Variants in CSMD2 observed in about 807,000 individuals in gnomAD.
CSMD2 encodes CUB and Sushi multiple domains 2.
Under a neutral mutation model 398.5 loss-of-function variants are expected in CSMD2, and 130 were observed. The ratio of observed to expected loss-of-function variants is 0.33; its 90% CI spans 0.28 to 0.38. The LOEUF (loss-of-function observed/expected upper bound fraction) is 0.38. Ranked by LOEUF, CSMD2 falls within the 10% of genes least tolerant of loss-of-function variation. CSMD2 has a pLI of 1.00. For missense variants in CSMD2, 3,829 were observed against 4,764.9 expected, an observed-to-expected ratio of 0.80 and a Z score of 5.78; for synonymous variants, 1,828 against 1,908.5, an observed-to-expected ratio of 0.96 and a Z score of 1.10.
Position 33,978,394 on chromosome 1 carries a change from C to T in CSMD2, c.518-42440G>A, listed in dbSNP as rs1304668211. On this transcript the variant is annotated intron_variant, in intron 3 of 70. Transcript: ENST00000373381. ...CAGGCTCTGTGAATCTCTGGGGATT[C>T]GGTGCTGAGCATGACACATCACAGA... Among the ~76,000 whole-genome samples, 5 of 152,140 alleles carry T rather than the reference C, an allele frequency of 3.3e-5. 1 individual carries two copies. The highest frequency in any genetic ancestry group is 6.5e-5 in the Admixed American group (1 of 15,272).
At chr1:33,934,099 G>T (rs1205972867) in intron 4 of CSMD2, among the ~76,000 whole-genome samples, 1 of 152,180 alleles carries the variant, frequency 6.6e-6, no homozygotes, top group Non-Finnish European at 1.5e-5. Context: ...CATGTGGCAG[G>T]AAGAAGGAGT....
rs147136156 is a variant in CSMD2, at chr1:33,725,123, C to T, written c.2695+226G>A. Among the ~76,000 whole-genome samples, 159 of 152,328 alleles carry T rather than the reference C, an allele frequency of 1.0e-3. 1 individual carries two copies. The highest frequency in any genetic ancestry group is 6.0e-3 in the South Asian group (29 of 4,830). ...CCAATCACCTGCCAGGAGGTCTGCACGCAAGGGCCTAGCGTGAAGGTTGTG... is the reference window on the plus strand; with the variant it reads ...CCAATCACCTGCCAGGAGGTCTGCATGCAAGGGCCTAGCGTGAAGGTTGTG... On this transcript the variant is annotated intron_variant, in intron 17 of 70. Coordinates refer to ENST00000373381, the MANE Select transcript of CSMD2 (RefSeq NM_001281956.2).
intron 1 of CSMD2, among the ~76,000 whole-genome samples, chr1:34,154,896 T>G (rs1640663461): frequency 6.6e-6 from 1 of 151,962 alleles, no homozygotes; most frequent in Non-Finnish European, 1.5e-5. Context: ...CCTGGCTAAT[T>G]TTTGTATTTT....
intron 6 of CSMD2, among the ~76,000 whole-genome samples, chr1:33,843,250 T>C (rs1029335506): frequency 6.6e-6 from 1 of 152,202 alleles, no homozygotes; most frequent in African/African-American, 2.4e-5. Context: ...TACCTCCTGA[T>C]AACCAGTCCG....
chr1:34,148,440 G>A (rs772802515), intron 1 of CSMD2, among the ~76,000 whole-genome samples: 2 of 152,316 alleles, frequency 1.3e-5, no homozygotes, highest in East Asian at 1.9e-4. Flanking sequence ...TGCTGCTCCC[G>A]AAAGCAGTCT....
At chr1:33,864,552 G>C in intron 5 of CSMD2, 1 of 1,614,074 alleles carries the variant, frequency 6.2e-7, no homozygotes, top group Non-Finnish European at 8.5e-7. Flanking sequence ...CTGGTCGGTG[G>C]TGCAGGTGGC....
intron 1 of CSMD2, among the ~76,000 whole-genome samples, chr1:34,100,771 A>C (rs560440825): frequency 4.1e-4 from 62 of 152,360 alleles, no homozygotes; most frequent in Non-Finnish European, 7.8e-4. Context: ...ATTGTAAATA[A>C]GACCTGGACC....
rs560527051 is a variant in CSMD2 at position 33,791,101 on chromosome 1, A to G, written c.1550+1322T>C. Among the ~76,000 whole-genome samples, 6 of 152,276 alleles carry G rather than the reference A, an allele frequency of 3.9e-5. No individual in the cohort carries two copies. The South Asian group carries it at 1.2e-3, about 32-fold the overall frequency. On this transcript the variant is annotated intron_variant, in intron 11 of 70. Transcript: ENST00000373381. ...AAAACACCCAGAAAAGAACAGCCTCAGGACAAGCCAGCTGTTACTAAATGG... is the reference window on the plus strand; with the variant it reads ...AAAACACCCAGAAAAGAACAGCCTCGGGACAAGCCAGCTGTTACTAAATGG...
chr1:33,586,658 C>A, intron 45 of CSMD2, 41 bp from the exon 46 acceptor site: 1 of 1,332,906 alleles, frequency 7.5e-7, no homozygotes, highest in Non-Finnish European at 1.1e-6. Flanking sequence ...CTTAAGAAGT[C>A]CAGTCATTAG....
chr1:33,665,252 T>G (rs1288808900), intron 25 of CSMD2, among the ~76,000 whole-genome samples: 2 of 152,204 alleles, frequency 1.3e-5, no homozygotes, highest in East Asian at 3.8e-4. Context: ...GGTGACTTTT[T>G]CTCATTTAAC....
intron 3 of CSMD2, among the ~76,000 whole-genome samples, chr1:33,982,738 G>A (rs1369604414): frequency 3.3e-5 from 5 of 152,172 alleles, no homozygotes; most frequent in East Asian, 1.9e-4. Flanking sequence ...AGAGATGACC[G>A]CAAGGGCATG....
chr1:33,720,283 T>C (rs1646315900), intron 19 of CSMD2, among the ~76,000 whole-genome samples: 1 of 152,206 alleles, frequency 6.6e-6, no homozygotes, highest in South Asian at 2.1e-4. Context: ...ACAGAGCTCC[T>C]AGTCTGTCAG....
intron 4 of CSMD2, among the ~76,000 whole-genome samples, chr1:33,922,706 G>T (rs1304576548): frequency 1.3e-5 from 2 of 151,994 alleles, no homozygotes; most frequent in African/African-American, 2.4e-5. Flanking sequence ...AGGCTCAGGG[G>T]ACATCCTCAA....
At chr1:34,161,584 C>T (rs1050047266) in intron 1 of CSMD2, among the ~76,000 whole-genome samples, 4 of 152,078 alleles carry the variant, frequency 2.6e-5, no homozygotes, top group African/African-American at 4.8e-5. Flanking sequence ...CCAAAGTGGC[C>T]ACAGCCACAG....
At chr1:34,162,689 T>C (rs1641460421) in intron 1 of CSMD2, among the ~76,000 whole-genome samples, 1 of 152,008 alleles carries the variant, frequency 6.6e-6, no homozygotes, top group Non-Finnish European at 1.5e-5. Context: ...TGAAACCCCA[T>C]CTCTCCTAAA....
rs2148917966 is a variant in CSMD2 at position 33,636,522 on chromosome 1, A to C, written c.4807T>G (p.Ser1603Ala). 1.2e-6 allele frequency: 2 copies of C among 1,614,100 alleles called. No individual in the cohort carries two copies. The highest frequency in any genetic ancestry group is 2.2e-5 in the East Asian group (1 of 44,868). Residue 1603 changes from serine to alanine, a missense_variant, in exon 30 of 71, where the codon TCC becomes GCC. Around this residue, in one of 5 missense-constraint regions of CSMD2, gnomAD observed 2,001 missense variants for 2,567.1 expected, o/e 0.78. Transcript: ENST00000373381. This position sits in a 1 kb window ranked among gnomAD's most constrained non-coding sequence, Gnocchi z 4.8. ...CCCACCCGTGTGCCGTTCTTGATGGAACCAGGATCAAAACATGACTCCCGC... is the reference window on the plus strand; with the variant it reads ...CCCACCCGTGTGCCGTTCTTGATGGCACCAGGATCAAAACATGACTCCCGC... ...NPRESCFDPG[S>A]IKNGTRVGSD...
At chr1:34,110,794 C>T (rs1016583221) in intron 1 of CSMD2, among the ~76,000 whole-genome samples, 6 of 152,096 alleles carry the variant, frequency 3.9e-5, no homozygotes, top group African/African-American at 1.4e-4. Context: ...CTATTAGGTA[C>T]TAGGCTTAAT....
chr1:33,941,517 G>A (rs1194998950), intron 3 of CSMD2, among the ~76,000 whole-genome samples: 1 of 152,242 alleles, frequency 6.6e-6, no homozygotes, highest in Non-Finnish European at 1.5e-5. Flanking sequence ...GGAAAGAAGA[G>A]AAGGTGATGC....
At chr1:33,522,626 T>A (rs1654416048) in intron 67 of CSMD2, among the ~76,000 whole-genome samples, 3 of 152,198 alleles carry the variant, frequency 2.0e-5, no homozygotes, top group Non-Finnish European at 4.4e-5. Context: ...GCACTGTGAC[T>A]CCCTAGCTCT....
Sources: allele counts gnomAD v4.1 joint callset (sites outside exome capture counted in the v4.1 genomes callset), GRCh38; gene constraint gnomAD v4.1.1; regional missense constraint gnomAD v4.1.1; non-coding constraint Gnocchi (gnomAD v3.1); transcripts MANE v1.5; gene names NCBI Gene and HGNC (gene_info 2026-07-23, HGNC 2026-07-21).